TMPRSS7: variants seen among roughly 807,000 people sequenced by gnomAD.
The protein encoded by TMPRSS7 is transmembrane protease serine 7.
In TMPRSS7, 81 loss-of-function variants were observed where a neutral mutation model predicts 95.6. That is an observed-to-expected ratio of 0.85 (90% CI 0.71 to 1.02). The LOEUF (loss-of-function observed/expected upper bound fraction) is 1.02. Among genes scored for constraint, TMPRSS7 ranks in the 50% least tolerant of loss-of-function variants. The probability of loss-of-function intolerance (pLI) is 0.00; values close to 1 mark genes in which losing one functional copy is unlikely to be tolerated. For synonymous variants in TMPRSS7, 364 were observed against 337.8 expected, an observed-to-expected ratio of 1.08 and a Z score of -0.85; for missense variants, 945 against 955.2, an observed-to-expected ratio of 0.99 and a Z score of 0.14.
At chr3:112,046,860 C>A (rs2073285334) in intron 5 of TMPRSS7, 114 bp from the exon 6 acceptor site, 1 of 670,560 alleles carries the variant, frequency 1.5e-6, no homozygotes, top group Admixed American at 2.2e-5. Context: ...AAAGTAAATC[C>A]CAGATGTGTT....
chr3:112,080,699 G>C (rs1006774172), intron 17 of TMPRSS7, among the ~76,000 whole-genome samples: 1 of 152,072 alleles, frequency 6.6e-6, no homozygotes, highest in Non-Finnish European at 1.5e-5. Context: ...ATCATGTTTC[G>C]TCTAATGAAT....
chr3:112,061,781 C>T lies in TMPRSS7; in HGVS notation c.1311-6C>T, dbSNP rs750857353. On this transcript the variant is annotated splice_polypyrimidine_tract_variant and splice_region_variant and intron_variant, in intron 10 of 17. Coordinates refer to ENST00000452346, the Ensembl canonical transcript of TMPRSS7. ...TGTGTATTCTCCCCGACTCTTGTCT[C>T]CCCAGGTACTGTGGCTCCTACATGG... 3 of 1,600,880 alleles carry T rather than the reference C, an allele frequency of 1.9e-6. No individual in the cohort carries two copies. The highest frequency in any genetic ancestry group is 1.3e-5 in the African/African-American group (1 of 74,426).
chr3:112,075,682 G>A (rs936491429), intron 15 of TMPRSS7, among the ~76,000 whole-genome samples, 190 bp downstream of exon 15: 3 of 152,104 alleles, frequency 2.0e-5, no homozygotes, highest in Admixed American at 6.6e-5. Flanking sequence ...AAAGCACAAA[G>A]GAAACATCAA....
At position 112,078,887 on chromosome 3, in the gene TMPRSS7, T is replaced by C; in HGVS notation, c.2361+9T>C. The C allele has an allele frequency of 6.2e-7, 1 of 1,612,836 alleles. No individual in the cohort carries two copies. Among genetic ancestry groups the C allele is most frequent in the Non-Finnish European group, 8.5e-7 (1 of 1,179,708 alleles). ...AGAGAGATGCCTGCAAAGTAAGTCA[T>C]TGTACCTTTCCCTTGCCTAACATGT... On this transcript the variant is annotated intron_variant, in intron 17 of 17. Transcript: ENST00000452346.
intron 2 of TMPRSS7, chr3:112,039,890 T>A (rs1297918462): frequency 6.6e-6 from 1 of 152,236 alleles, no homozygotes; most frequent in Non-Finnish European, 1.5e-5. Flanking sequence ...GATTGGGATC[T>A]GCATTGGGGG....
Position 112,079,922 on chromosome 3 carries a change from C to G in TMPRSS7, c.2362-992C>G, listed in dbSNP as rs112458085. On this transcript the variant is annotated intron_variant, in intron 17 of 17. Coordinates refer to ENST00000452346, the Ensembl canonical transcript of TMPRSS7. The stretch of plus-strand genomic sequence containing the variant: ...TCTGAGCTGGGATTTGAACCCTTGC[C>G]TCTCTAATGCTAAGGGTACTCTATT... Among the ~76,000 whole-genome samples the G allele has an allele frequency of 3.8e-3, 582 of 152,242 alleles. 4 individuals carry two copies. Among genetic ancestry groups the G allele is most frequent in the African/African-American group, 0.013 (539 of 41,546 alleles).
At chr3:112,062,784 T>G (rs1409475732) in intron 11 of TMPRSS7, among the ~76,000 whole-genome samples, 1 of 152,216 alleles carries the variant, frequency 6.6e-6, no homozygotes, top group Non-Finnish European at 1.5e-5. Flanking sequence ...GAAATAGTGT[T>G]TCCCTCGACC....
chr3:112,077,141 G>A, exon 16 of TMPRSS7: 1 of 1,613,798 alleles, frequency 6.2e-7, no homozygotes. Context: ...AAGACACGAA[G>A]CAGGTGTGTG....
At chr3:112,061,646 T>C in intron 10 of TMPRSS7, 141 bp from the exon 11 acceptor site, 5 of 856,360 alleles carry the variant, frequency 5.8e-6, no homozygotes, top group Non-Finnish European at 8.6e-6. Flanking sequence ...TGGCCTAGAA[T>C]GAATAACTAC....
rs542997742 is a variant in TMPRSS7, at chr3:112,066,797, AATTTT to A, written c.1666+302_1666+306del. 1.1e-4 allele frequency among the ~76,000 whole-genome samples: 17 copies of A among 151,864 alleles called. No individual in the cohort carries two copies. The South Asian group carries it at 3.6e-3, about 32-fold the overall frequency. ...CTCCTTTTTTTTTTCAATTTTTAAA[AATTTT>A]ATTTTAGTGTTGAAAACACTTTTTT... On this transcript the variant is annotated intron_variant, in intron 13 of 17. Coordinates refer to ENST00000452346, the Ensembl canonical transcript of TMPRSS7.
chr3:112,051,755 A>T (rs1022504979), intron 9 of TMPRSS7, among the ~76,000 whole-genome samples: 6 of 151,460 alleles, frequency 4.0e-5, no homozygotes, highest in South Asian at 4.2e-4. Context: ...ATGCTTTTTT[A>T]AAAAAAATCT....
chr3:112,045,684 C>G, intron 4 of TMPRSS7, 66 bp from the exon 5 acceptor site: 6 of 1,437,002 alleles, frequency 4.2e-6, no homozygotes, highest in Non-Finnish European at 5.6e-6. Context: ...TTGAATCCAT[C>G]ATCTGGGTAT....
intron 17 of TMPRSS7, among the ~76,000 whole-genome samples, chr3:112,080,354 A>G (rs2073762108): frequency 6.6e-6 from 1 of 152,200 alleles, no homozygotes; most frequent in Non-Finnish European, 1.5e-5. Flanking sequence ...GGACCTGGCT[A>G]ACTAAACAGG....
At chr3:112,075,391 G>C in exon 15 of TMPRSS7, 2 of 1,534,048 alleles carry the variant, frequency 1.3e-6, no homozygotes, top group Non-Finnish European at 1.8e-6. Context: ...GGGGTTGGCC[G>C]TGGCAGGTCA....
At chr3:112,053,565 G>T (rs555850376) in intron 9 of TMPRSS7, among the ~76,000 whole-genome samples, 1 of 152,326 alleles carries the variant, frequency 6.6e-6, no homozygotes. Flanking sequence ...AACCAAAAAA[G>T]GGTGTTGAGT....
Position 112,065,976 on chromosome 3 carries a change from T to A in TMPRSS7, c.1556-416T>A, listed in dbSNP as rs117634383. ...ATTCAACAAACCTTGAGTAAACAAC[T>A]GCTATTTGTTCGGGGGCTTGAGGTA... is the stretch of plus-strand genomic sequence containing the variant. On this transcript the variant is annotated intron_variant, in intron 12 of 17. Coordinates refer to ENST00000452346, the Ensembl canonical transcript of TMPRSS7. Among the ~76,000 whole-genome samples the A allele has an allele frequency of 4.4e-3, 676 of 152,280 alleles. 23 individuals are homozygous for A. In the East Asian group the frequency reaches 0.065, roughly 15 times the overall value.
At chr3:112,037,900 G>T (rs765489189) in intron 1 of TMPRSS7, among the ~76,000 whole-genome samples, 172 bp from the exon 2 acceptor site, 5 of 151,996 alleles carry the variant, frequency 3.3e-5, no homozygotes, top group African/African-American at 4.8e-5. Flanking sequence ...TTGTGACTTG[G>T]TGCAAATCAA....
At chr3:112,069,933 T>C (rs554362133) in intron 13 of TMPRSS7, among the ~76,000 whole-genome samples, 1 of 152,358 alleles carries the variant, frequency 6.6e-6, no homozygotes, top group East Asian at 1.9e-4. Flanking sequence ...GTGTTGATTT[T>C]AGATCTTTCC....
At chr3:112,059,687 T>C (rs1403172141) in intron 10 of TMPRSS7, among the ~76,000 whole-genome samples, 1 of 152,228 alleles carries the variant, frequency 6.6e-6, no homozygotes, top group Non-Finnish European at 1.5e-5. Flanking sequence ...CAGAAGGACA[T>C]CTGCACTTGC....
Sources: gnomAD v4.1 joint callset for allele counts (sites outside exome capture counted in the v4.1 genomes callset) on GRCh38, gnomAD v4.1.1 for gene constraint, MANE v1.5 for transcripts, NCBI Gene and HGNC (gene_info 2026-07-23, HGNC 2026-07-21) for gene names.